Variants in SCN2A observed in about 807,000 individuals in gnomAD.
SCN2A encodes sodium channel protein type 2 subunit alpha.
Under a neutral mutation model 188.7 loss-of-function variants are expected in SCN2A, and 20 were observed. The observed-to-expected ratio is 0.11, with a 90% CI of 0.07 to 0.15. The LOEUF is 0.15. SCN2A is among the 10% of genes least tolerant of loss of function. The pLI, the probability that SCN2A is intolerant of heterozygous loss-of-function variation, is 1.00. For synonymous variants in SCN2A, 804 were observed against 833.1 expected, an observed-to-expected ratio of 0.97 and a Z score of 0.60; for missense variants, 1,278 against 2,445.0, an observed-to-expected ratio of 0.52 and a Z score of 10.07.
rs28472553 is a variant in SCN2A, at chr2:165,313,802, A to C, written c.1176+41A>C. 2,989 of 1,613,126 alleles carry C rather than the reference A, an allele frequency of 1.9e-3. 40 individuals carry two copies. In the African/African-American group the frequency reaches 0.034, roughly 18 times the overall value. ...ATCATTTTTCTGAGAATCATAAAAC[A>C]CCGAACTCAAGAGAATTGCTGTAGA... On this transcript the variant is annotated intron_variant, in intron 9 of 26. Coordinates refer to ENST00000375437, the MANE Select transcript of SCN2A (RefSeq NM_001040142.2).
chr2:165,285,122 G>A (rs967192202), intron 1 of SCN2A: 5 of 152,202 alleles, frequency 3.3e-5, no homozygotes, highest in African/African-American at 9.7e-5. Context: ...TTAAAGAAAA[G>A]CAAAATGTGT....
chr2:165,326,099 G>T (rs1197996456), intron 12 of SCN2A, among the ~76,000 whole-genome samples: 1 of 151,526 alleles, frequency 6.6e-6, no homozygotes, highest in African/African-American at 2.4e-5. Flanking sequence ...TGACATCATT[G>T]TTTGATCTCC....
At chr2:165,361,983 A>G (rs1304496208) in intron 17 of SCN2A, among the ~76,000 whole-genome samples, 1 of 152,086 alleles carries the variant, frequency 6.6e-6, no homozygotes, top group African/African-American at 2.4e-5. Flanking sequence ...TATTGTGTGT[A>G]TTCTTTTGAA....
chr2:165,342,615 GT>G, intron 15 of SCN2A, 146 bp downstream of exon 15: 1 of 831,480 alleles, frequency 1.2e-6, no homozygotes, highest in Non-Finnish European at 2.0e-6. Flanking sequence ...CCACCAAATG[GT>G]AGTTTCTTCT....
intron 11 of SCN2A, among the ~76,000 whole-genome samples, chr2:165,322,900 A>G (rs1698147297): frequency 6.6e-6 from 1 of 152,208 alleles, no homozygotes; most frequent in Non-Finnish European, 1.5e-5. Flanking sequence ...AGGTGTGGGT[A>G]AAGTAGGAGA....
At position 165,373,216 on chromosome 2, in the gene SCN2A, T is replaced by C. The variant is rs1273545144; in HGVS notation, c.3850-9T>C. The C allele has an allele frequency of 6.2e-7, 1 of 1,613,016 alleles. No homozygotes were observed. Among genetic ancestry groups the C allele is most frequent in the African/African-American group, 1.3e-5 (1 of 74,888 alleles). Reference sequence around the variant, plus strand: ...TAAATAAGAAAATTGTGTTGCTTTTTCTGTATAGGTCTCACTGGTTAGCTT... The same window carrying C: ...TAAATAAGAAAATTGTGTTGCTTTTCCTGTATAGGTCTCACTGGTTAGCTT... On this transcript the variant is annotated splice_polypyrimidine_tract_variant and intron_variant, in intron 20 of 26. Transcript: ENST00000375437.
chr2:165,340,905 G>C lies in SCN2A; in HGVS notation c.2389-1391G>C, dbSNP rs531790374. Among the ~76,000 whole-genome samples the C allele has an allele frequency of 4.2e-4, 64 of 152,274 alleles. 1 individual carries two copies. The highest frequency in any genetic ancestry group is 1.5e-3 in the African/African-American group (63 of 41,558). On this transcript the variant is annotated intron_variant, in intron 14 of 26. Coordinates refer to ENST00000375437, the MANE Select transcript of SCN2A (RefSeq NM_001040142.2). ...TTTATTGGTGATGTCGGTCTTGTTG[G>C]TGAAGTTTGTTAAAGCCATTTGGTG...
intron 16 of SCN2A, among the ~76,000 whole-genome samples, chr2:165,347,597 T>C (rs899597659): frequency 3.3e-5 from 5 of 152,042 alleles, no homozygotes; most frequent in African/African-American, 1.2e-4. Context: ...ATAATAATAA[T>C]TTAAAAAAAT....
rs116577065 is a variant in SCN2A, at chr2:165,342,270, T to C, written c.2389-26T>C. ...TTCGTGTTTCAAGAGTATTTGCTCA[T>C]ATAATGAACTACACTTCTCATTTAG... On this transcript the variant is annotated intron_variant, in intron 14 of 26. Transcript: ENST00000375437. 1.6e-5 allele frequency: 25 copies of C among 1,596,576 alleles called. No homozygotes were observed. In the African/African-American group the frequency reaches 3.1e-4, roughly 20 times the overall value.
chr2:165,350,720 A>C (rs62174670), intron 16 of SCN2A, among the ~76,000 whole-genome samples: 145,828 of 147,236 alleles, frequency 0.99, 72,233 homozygotes, highest in Middle Eastern at 1. Context: ...GATCCGCCCG[A>C]GGCCTCCCAA....
chr2:165,247,489 T>C (rs1210481731), intron 1 of SCN2A, among the ~76,000 whole-genome samples: 1 of 152,182 alleles, frequency 6.6e-6, no homozygotes, highest in Admixed American at 6.5e-5. Context: ...TTCATCTTAC[T>C]TGACCATCCA....
chr2:165,369,015 T>C (rs1263400261), intron 19 of SCN2A, among the ~76,000 whole-genome samples: 1 of 152,000 alleles, frequency 6.6e-6, no homozygotes, highest in Non-Finnish European at 1.5e-5. Flanking sequence ...AGCCTCCATC[T>C]CTTGGGTTCA....
At chr2:165,339,419 A>C (rs907721559) in intron 14 of SCN2A, among the ~76,000 whole-genome samples, 5 of 152,086 alleles carry the variant, frequency 3.3e-5, no homozygotes, top group African/African-American at 4.8e-5. Context: ...TAAAGGAAAA[A>C]AAAACAAAAC....
At chr2:165,384,416 C>T (rs554371871) in intron 25 of SCN2A, among the ~76,000 whole-genome samples, 3 of 152,088 alleles carry the variant, frequency 2.0e-5, no homozygotes, top group East Asian at 3.9e-4. Flanking sequence ...ATATTTGACA[C>T]CCTAGGATTT....
chr2:165,307,714 G>A (rs1697213347), intron 3 of SCN2A, 134 bp from the exon 4 acceptor site: 2 of 699,352 alleles, frequency 2.9e-6, no homozygotes, highest in African/African-American at 1.8e-5. Flanking sequence ...GCAAAAAAAA[G>A]GGTCAATAAT....
chr2:165,260,905 G>A (rs1694564753), intron 1 of SCN2A, among the ~76,000 whole-genome samples: 2 of 148,256 alleles, frequency 1.3e-5, no homozygotes, highest in Admixed American at 1.4e-4. Flanking sequence ...AGGAGGTGGA[G>A]GTTGCAGTGA....
intron 7 of SCN2A, 64 bp from the exon 8 acceptor site, chr2:165,311,961 A>T: frequency 8.8e-7 from 1 of 1,136,964 alleles, no homozygotes. Context: ...TGCCACCTAA[A>T]CAGGGTGGCT....
At chr2:165,359,408 G>A (rs73969381) in intron 17 of SCN2A, among the ~76,000 whole-genome samples, 4 of 151,998 alleles carry the variant, frequency 2.6e-5, no homozygotes, top group Non-Finnish European at 5.9e-5. Context: ...TGTTTAGAAA[G>A]ATACTTGAGG....
intron 25 of SCN2A, among the ~76,000 whole-genome samples, chr2:165,381,607 C>T (rs960058390): frequency 2.0e-5 from 3 of 151,748 alleles, no homozygotes; most frequent in African/African-American, 7.3e-5. Context: ...AGTTTTTGTC[C>T]AACTCTGCAG....
Sources: allele counts gnomAD v4.1 joint callset (sites outside exome capture counted in the v4.1 genomes callset), GRCh38; gene constraint gnomAD v4.1.1; transcripts MANE v1.5; gene names NCBI Gene and HGNC (gene_info 2026-07-23, HGNC 2026-07-21).